IMPG1: variants seen among roughly 807,000 people sequenced by gnomAD.
The protein encoded by IMPG1 is interphotoreceptor matrix proteoglycan 1, also known as interphotoreceptor matrix proteoglycan of 150 kDa.
Under a neutral mutation model 92.0 loss-of-function variants are expected in IMPG1, and 85 were observed. That is an observed-to-expected ratio of 0.92 (90% confidence interval 0.78 to 1.11). The LOEUF is 1.11. Ranked by LOEUF, IMPG1 falls within the 50% of genes least tolerant of loss-of-function variation. The pLI, the probability that IMPG1 is intolerant of heterozygous loss-of-function variation, is 0.00. For missense variants in IMPG1, 1,022 were observed against 956.0 expected (o/e 1.07, Z -0.91); for synonymous variants, 367 against 334.1 (o/e 1.10, Z -1.08).
chr6:75,956,197 G>C (rs1374928914), intron 12 of IMPG1, among the ~76,000 whole-genome samples: 1 of 152,182 alleles, frequency 6.6e-6, no homozygotes, highest in Non-Finnish European at 1.5e-5. Flanking sequence ...TGTACCTCTG[G>C]TAGAATTTGG....
chr6:76,051,067 G>C (rs1405781709), intron 1 of IMPG1, among the ~76,000 whole-genome samples: 2 of 152,026 alleles, frequency 1.3e-5, no homozygotes, highest in Non-Finnish European at 2.9e-5. Context: ...TCTATAGAGA[G>C]TAAGTAGGTA....
intron 1 of IMPG1, among the ~76,000 whole-genome samples, chr6:76,060,492 C>A (rs1784187908): frequency 6.6e-6 from 1 of 152,146 alleles, no homozygotes; most frequent in Non-Finnish European, 1.5e-5. Context: ...GTGAGATAAG[C>A]TTGGAAGTTG....
intron 12 of IMPG1, among the ~76,000 whole-genome samples, chr6:75,962,961 A>G (rs6924322): frequency 2.4e-3 from 358 of 152,194 alleles, no homozygotes; most frequent in African/African-American, 8.4e-3. Context: ...GAATCACTTG[A>G]ACCTGGGAGG....
At chr6:76,049,977 A>G (rs1784009437) in intron 1 of IMPG1, among the ~76,000 whole-genome samples, 2 of 152,300 alleles carry the variant, frequency 1.3e-5, no homozygotes, top group South Asian at 4.1e-4. Flanking sequence ...CAGTGTAACT[A>G]TGATAATTTT....
intron 5 of IMPG1, among the ~76,000 whole-genome samples, chr6:76,023,054 T>C (rs1038467393): frequency 6.6e-6 from 1 of 152,230 alleles, no homozygotes; most frequent in Non-Finnish European, 1.5e-5. Context: ...CACAAGTGGT[T>C]ACTTGTCACT....
intron 12 of IMPG1, among the ~76,000 whole-genome samples, chr6:75,974,512 C>G (rs1486318927): frequency 6.8e-6 from 1 of 147,128 alleles, no homozygotes; most frequent in Admixed American, 6.9e-5. Flanking sequence ...AAGTTTCGCC[C>G]AGGCTGGAAT....
At position 76,002,827 on chromosome 6, in the gene IMPG1, G is replaced by T. The variant is rs923711933; in HGVS notation, c.1291+91C>A. The T allele has an allele frequency of 4.0e-6, 4 of 989,160 alleles. No individual in the cohort carries two copies. The African/African-American group carries it at 6.4e-5, about 16-fold the overall frequency. 61.3% of individuals were successfully genotyped at this position (989,160 alleles called of 1,614,324 possible). On this transcript the variant is annotated intron_variant, in intron 12 of 16. Coordinates refer to ENST00000369950, the MANE Select transcript of IMPG1 (RefSeq NM_001563.4). ...TGAACCTTTTCCTGGGTTCGGGATG[G>T]CTTTGTCACTGGTCTTTGAGGCAGT...
intron 4 of IMPG1, among the ~76,000 whole-genome samples, chr6:76,032,926 G>C (rs895824814): frequency 6.6e-6 from 1 of 152,200 alleles, no homozygotes. Context: ...GGATTAGTTA[G>C]TTTGGCTTCT....
chr6:75,957,652 A>G (rs977360573), intron 12 of IMPG1, among the ~76,000 whole-genome samples: 2 of 152,344 alleles, frequency 1.3e-5, no homozygotes, highest in South Asian at 4.1e-4. Flanking sequence ...TCTCTTTGCC[A>G]TTATGTAATG....
chr6:76,048,057 A>G (rs866505099), intron 1 of IMPG1, among the ~76,000 whole-genome samples: 2 of 152,160 alleles, frequency 1.3e-5, no homozygotes, highest in Non-Finnish European at 2.9e-5. Flanking sequence ...ATATGTGGAG[A>G]TCAATGAGGA....
chr6:76,066,683 T>A (rs1337993390), intron 1 of IMPG1, among the ~76,000 whole-genome samples: 2 of 152,072 alleles, frequency 1.3e-5, no homozygotes, highest in Non-Finnish European at 2.9e-5. Flanking sequence ...ACTTAAATTG[T>A]ATTGTAGACC....
chr6:75,960,571 T>C (rs1782199137), intron 12 of IMPG1, among the ~76,000 whole-genome samples: 1 of 152,222 alleles, frequency 6.6e-6, no homozygotes, highest in Admixed American at 6.5e-5. Flanking sequence ...TAAATGTGAT[T>C]TTAAAAGACT....
At chr6:75,952,261 G>A (rs1782046094) in intron 12 of IMPG1, among the ~76,000 whole-genome samples, 1 of 152,066 alleles carries the variant, frequency 6.6e-6, no homozygotes, top group Admixed American at 6.6e-5. Flanking sequence ...TGGCCTTTTG[G>A]CAAATATGCA....
chr6:76,072,558 A>G lies in IMPG1; in HGVS notation c.-70T>C. ...ACCTCAAATCTCATTAAAAAGTAAC[A>G]GAAATGTGAAAAATAATTATATATT... On this transcript the variant is annotated 5_prime_UTR_variant, in exon 1 of 17. Transcript: ENST00000369950. 2.2e-6 allele frequency: 2 copies of G among 904,732 alleles called. No homozygotes were observed. Among genetic ancestry groups the G allele is most frequent in the South Asian group, 1.5e-5 (1 of 65,296 alleles). The allele number at this position is 904,732 out of a possible 1,614,324, so 56.0% of individuals were successfully genotyped here.
At chr6:75,968,804 G>A (rs1782353705) in intron 12 of IMPG1, among the ~76,000 whole-genome samples, 1 of 152,072 alleles carries the variant, frequency 6.6e-6, no homozygotes, top group South Asian at 2.1e-4. Flanking sequence ...ACTATGAGAT[G>A]ATGCAGCCCA....
At chr6:75,946,926 A>T (rs558983645) in intron 14 of IMPG1, among the ~76,000 whole-genome samples, 1 of 152,176 alleles carries the variant, frequency 6.6e-6, no homozygotes, top group Non-Finnish European at 1.5e-5. Context: ...TTGCTTAGGT[A>T]GGAAGCCCCG....
chr6:75,922,265 C>CT (rs1434055013), intron 16 of IMPG1, 99 bp from the exon 17 acceptor site: 10 of 605,666 alleles, frequency 1.7e-5, no homozygotes, highest in Non-Finnish European at 2.7e-5. Context: ...AGAGGATGTG[C>CT]TTGCCATTTA....
intron 14 of IMPG1, among the ~76,000 whole-genome samples, 164 bp downstream of exon 14, chr6:75,947,150 A>G (rs1194803739): frequency 1.3e-5 from 2 of 152,186 alleles, no homozygotes; most frequent in African/African-American, 4.8e-5. Context: ...TTTGGACTCT[A>G]CCTTTCTAAT....
rs1020230828 is a variant in IMPG1, at chr6:76,071,400, A to C, written c.67+1022T>G. 2.7e-5 allele frequency among the ~76,000 whole-genome samples: 4 copies of C among 150,938 alleles called. No individual in the cohort carries two copies. In the East Asian group the frequency reaches 7.7e-4, roughly 29 times the overall value. On this transcript the variant is annotated intron_variant, in intron 1 of 16. Coordinates refer to ENST00000369950, the MANE Select transcript of IMPG1 (RefSeq NM_001563.4). ...TATTTCTAATTAAAATGATTTTATA[A>C]ATGTAAATATTTATATATAATTGAT...
Sources: gnomAD v4.1 joint callset for allele counts (sites outside exome capture counted in the v4.1 genomes callset) on GRCh38, gnomAD v4.1.1 for gene constraint, MANE v1.5 for transcripts, NCBI Gene and HGNC (gene_info 2026-07-23, HGNC 2026-07-21) for gene names.